Variants in ITIH5 observed in about 807,000 individuals in gnomAD.
The protein encoded by ITIH5 is inter-alpha-trypsin inhibitor heavy chain 5.
In ITIH5, 65 loss-of-function variants were observed where a neutral mutation model predicts 77.5. That is an observed-to-expected ratio of 0.84 (90% CI 0.69 to 1.03). ITIH5 has a LOEUF of 1.03. Among genes scored for constraint, ITIH5 ranks in the 50% least tolerant of loss-of-function variants. ITIH5 has a pLI of 0.00. For synonymous variants in ITIH5, 525 were observed against 494.3 expected, an observed-to-expected ratio of 1.06 and a Z score of -0.82; for missense variants, 1,208 against 1,213.1, an observed-to-expected ratio of 1.00 and a Z score of 0.06.
chr10:7,575,603 C>G (rs561892637), intron 10 of ITIH5, among the ~76,000 whole-genome samples: 9 of 152,168 alleles, frequency 5.9e-5, no homozygotes, highest in Admixed American at 2.0e-4. Flanking sequence ...TACTCATCCC[C>G]GCAGCAGAAT....
chr10:7,573,204 G>A lies in ITIH5; in HGVS notation c.1979-9C>T. The stretch of plus-strand genomic sequence containing the variant: ...CTTCTTGAGCAAAGGTCCTAAAAGG[G>A]AGAAGGAAGAGAACATCATGGTCAT... On this transcript the variant is annotated splice_polypyrimidine_tract_variant and intron_variant, in intron 10 of 13. Coordinates refer to ENST00000397146, the MANE Select transcript of ITIH5 (RefSeq NM_030569.7). The A allele has an allele frequency of 8.1e-6, 13 of 1,609,326 alleles. No individual in the cohort carries two copies. The highest frequency in any genetic ancestry group is 1.1e-5 in the Non-Finnish European group (13 of 1,175,670).
intron 2 of ITIH5, among the ~76,000 whole-genome samples, chr10:7,644,713 A>C: frequency 7.1e-6 from 1 of 140,702 alleles, no homozygotes; most frequent in East Asian, 2.0e-4. Flanking sequence ...TATCACATAT[A>C]TATCATATAT....
chr10:7,609,774 A>T (rs1833204477), intron 7 of ITIH5, among the ~76,000 whole-genome samples: 1 of 152,220 alleles, frequency 6.6e-6, no homozygotes, highest in Non-Finnish European at 1.5e-5. Flanking sequence ...AGACCATTAA[A>T]GCATGGAAAA....
At chr10:7,642,482 C>T (rs771419426) in intron 2 of ITIH5, among the ~76,000 whole-genome samples, 2 of 152,006 alleles carry the variant, frequency 1.3e-5, no homozygotes, top group Non-Finnish European at 2.9e-5. Context: ...ACAGGACTAC[C>T]GAAATGTTCC....
chr10:7,576,733 T>G lies in ITIH5; in HGVS notation c.1698A>C (p.Gly566=). Residue 566 remains glycine (G), a synonymous_variant, in exon 10 of 14, where the codon GGA becomes GGC. Coordinates refer to ENST00000397146, the MANE Select transcript of ITIH5 (RefSeq NM_030569.7). The part of the protein sequence containing the change: ...VTGSPRPGGD[G]EGDTNHIERL... ...GCTCGATGTGGTTGGTGTCCCCCTC[T>G]CCATCGCCTCCAGGCCTGGGGCTTC... 1 of 1,613,888 alleles carries G rather than the reference T, an allele frequency of 6.2e-7. No individual in the cohort carries two copies. The highest frequency in any genetic ancestry group is 8.5e-7 in the Non-Finnish European group (1 of 1,179,966).
intron 1 of ITIH5, among the ~76,000 whole-genome samples, chr10:7,662,364 A>AG (rs1834290754): frequency 6.6e-6 from 1 of 152,170 alleles, no homozygotes; most frequent in East Asian, 1.9e-4. Flanking sequence ...CAAAAAAAAA[A>AG]AGAGAGAGAG....
At chr10:7,579,690 TC>T (rs1832499400) in intron 9 of ITIH5, 64 bp downstream of exon 9, 2 of 1,516,292 alleles carry the variant, frequency 1.3e-6, no homozygotes, top group Non-Finnish European at 1.8e-6. Context: ...CTCTCTGAAT[TC>T]CCACCGCAGC....
At chr10:7,645,875 A>G (rs1834002567) in intron 2 of ITIH5, among the ~76,000 whole-genome samples, 1 of 152,232 alleles carries the variant, frequency 6.6e-6, no homozygotes, top group South Asian at 2.1e-4. Context: ...GCTGGGGATG[A>G]TAATGATAAT....
chr10:7,655,806 T>C (rs1192849542), intron 1 of ITIH5, 131 bp from the exon 2 acceptor site: 2 of 713,868 alleles, frequency 2.8e-6, no homozygotes, highest in East Asian at 2.7e-5. Flanking sequence ...AAAAGCTGTA[T>C]CTATCCTGAA....
chr10:7,653,458 T>G (rs925522233), intron 2 of ITIH5, among the ~76,000 whole-genome samples: 3 of 152,146 alleles, frequency 2.0e-5, no homozygotes, highest in African/African-American at 7.2e-5. Flanking sequence ...TTCACCCCCC[T>G]CAGCCTCCCA....
chr10:7,581,117 G>A (rs950683630), intron 8 of ITIH5, among the ~76,000 whole-genome samples: 3 of 152,088 alleles, frequency 2.0e-5, no homozygotes, highest in East Asian at 1.9e-4. Context: ...AAAATTAGCC[G>A]GGCATGGTGG....
At chr10:7,644,682 A>C (rs1316247320) in intron 2 of ITIH5, among the ~76,000 whole-genome samples, 3 of 140,070 alleles carry the variant, frequency 2.1e-5, no homozygotes, top group South Asian at 2.2e-4. Flanking sequence ...TCACATATAT[A>C]TCATATATAT....
At chr10:7,664,787 A>G (rs1177936658) in intron 1 of ITIH5, among the ~76,000 whole-genome samples, 1 of 152,248 alleles carries the variant, frequency 6.6e-6, no homozygotes, top group Non-Finnish European at 1.5e-5. Context: ...AAGTTTACAT[A>G]CAATTTTAAA....
rs1036096918 is a variant in ITIH5 at position 7,579,807 on chromosome 10, C to T, written c.1366G>A (p.Gly456Ser). The T allele has an allele frequency of 2.3e-5, 37 of 1,614,072 alleles. No individual in the cohort carries two copies. The highest frequency in any genetic ancestry group is 3.1e-5 in the Non-Finnish European group (37 of 1,180,040). The change falls in exon 9 of 14, where the codon GGC (glycine) becomes AGC (serine). Residue 456 changes from glycine (G) to serine (S), a missense_variant. By Grantham distance (56) the Gly-to-Ser change is moderately conservative. Coordinates refer to ENST00000397146, the MANE Select transcript of ITIH5 (RefSeq NM_030569.7). ...TCCTCGTGCACGCGCCGTGTGAGGC[C>T]ACAGTTCTCCAGCGACAGTTTCTCC... ...LLEKLSLENC[G>S]LTRRVHEEED...
rs747238915 is a variant in ITIH5, at chr10:7,637,369, C to A, written c.511G>T (p.Glu171Ter). The A allele has an allele frequency of 6.2e-7, 1 of 1,614,182 alleles. No homozygotes were observed. Among genetic ancestry groups the A allele is most frequent in the Non-Finnish European group, 8.5e-7 (1 of 1,180,042 alleles). Reference protein sequence around the residue: ...ELLQRRLGKYEHSISVRPQQL... With the variant: ...ELLQRRLGKY ...TGGGGCCGCACGCTGATGCTGTGCT[C>A]GTACTTGCCCAGGCGCCTCTGCAGA... is the stretch of plus-strand genomic sequence containing the variant. The change falls in exon 5 of 14, where the codon GAG becomes TAG. Residue 171 changes from glutamate to a stop codon, truncating the protein, a stop_gained. Coordinates refer to ENST00000397146, the MANE Select transcript of ITIH5 (RefSeq NM_030569.7). LOFTEE classifies it high-confidence loss of function.
intron 11 of ITIH5, among the ~76,000 whole-genome samples, chr10:7,570,949 C>T (rs1017641051): frequency 6.6e-6 from 1 of 152,162 alleles, no homozygotes; most frequent in Admixed American, 6.5e-5. Flanking sequence ...TGCCCCTCTG[C>T]CTTCTGTGCA....
At chr10:7,614,028 G>C (rs1833312870) in intron 7 of ITIH5, among the ~76,000 whole-genome samples, 1 of 152,168 alleles carries the variant, frequency 6.6e-6, no homozygotes. Flanking sequence ...TCTACAAACA[G>C]ATTTTCAAAT....
chr10:7,617,763 T>C (rs1833398588), intron 5 of ITIH5: 1 of 152,256 alleles, frequency 6.6e-6, no homozygotes, highest in African/African-American at 2.4e-5. Flanking sequence ...GCCCTATTAT[T>C]ATCTAATTCT....
intron 1 of ITIH5, among the ~76,000 whole-genome samples, chr10:7,664,767 T>C (rs1051460550): frequency 2.6e-5 from 4 of 152,236 alleles, no homozygotes; most frequent in African/African-American, 9.6e-5. Context: ...AGACTTACAT[T>C]TTTCAAATTA....
Sources: allele counts gnomAD v4.1 joint callset (sites outside exome capture counted in the v4.1 genomes callset), GRCh38; gene constraint gnomAD v4.1.1; transcripts MANE v1.5; gene names NCBI Gene and HGNC (gene_info 2026-07-23, HGNC 2026-07-21).